SH2D4A: variants seen among roughly 807,000 people sequenced by gnomAD.
The protein encoded by SH2D4A is SH2 domain-containing protein 4A.
Under a neutral mutation model 64.7 loss-of-function variants are expected in SH2D4A, and 70 were observed. The ratio of observed to expected loss-of-function variants is 1.08; its 90% CI spans 0.89 to 1.32. The LOEUF is 1.32. Among genes scored for constraint, SH2D4A ranks in the 40% most tolerant of loss-of-function variants. SH2D4A has a pLI of 0.00. For synonymous variants in SH2D4A, 268 were observed against 200.7 expected (o/e 1.34, Z -2.83); for missense variants, 706 against 540.1 (o/e 1.31, Z -3.04).
chr8:19,374,516 T>C (rs2053161512), intron 8 of SH2D4A, among the ~76,000 whole-genome samples: 1 of 152,232 alleles, frequency 6.6e-6, no homozygotes, highest in Non-Finnish European at 1.5e-5. Context: ...CTCAAAGTAG[T>C]ATCATCTCAC....
At chr8:19,350,416 G>A (rs774501039) in intron 4 of SH2D4A, among the ~76,000 whole-genome samples, 23 of 152,298 alleles carry the variant, frequency 1.5e-4, no homozygotes, top group Middle Eastern at 3.4e-3. Context: ...CTGACGTTCT[G>A]TGCTCTAACG....
At chr8:19,377,686 T>C (rs148210216) in intron 8 of SH2D4A, among the ~76,000 whole-genome samples, 239 of 151,934 alleles carry the variant, frequency 1.6e-3, no homozygotes, top group South Asian at 9.1e-3. Context: ...TATATATATA[T>C]ACACACACAT....
intron 4 of SH2D4A, among the ~76,000 whole-genome samples, chr8:19,339,970 A>G (rs1008444398): frequency 6.6e-6 from 1 of 152,148 alleles, no homozygotes; most frequent in Non-Finnish European, 1.5e-5. Context: ...GGGGAGGGAG[A>G]GAGAGACATC....
At chr8:19,317,303 ATTT>A (rs761621347) in intron 1 of SH2D4A, among the ~76,000 whole-genome samples, 12 of 97,368 alleles carry the variant, frequency 1.2e-4, no homozygotes, top group African/African-American at 3.2e-4. Flanking sequence ...CAAGACATCC[ATTT>A]TTTTTTTTTT....
intron 8 of SH2D4A, among the ~76,000 whole-genome samples, chr8:19,385,323 C>T (rs2053368138): frequency 6.6e-6 from 1 of 151,948 alleles, no homozygotes; most frequent in African/African-American, 2.4e-5. Context: ...GATTCTCCTG[C>T]CTCTGCCTCC....
At chr8:19,361,895 C>T (rs1313013684) in intron 6 of SH2D4A, among the ~76,000 whole-genome samples, 1 of 152,120 alleles carries the variant, frequency 6.6e-6, no homozygotes, top group Non-Finnish European at 1.5e-5. Flanking sequence ...GTGTTAGCAT[C>T]CCGCTCCTGC....
intron 8 of SH2D4A, among the ~76,000 whole-genome samples, chr8:19,388,065 G>A (rs1393107136): frequency 6.6e-6 from 1 of 152,156 alleles, no homozygotes; most frequent in Non-Finnish European, 1.5e-5. Flanking sequence ...AATCAAAAAT[G>A]CATCTTCTTT....
At chr8:19,338,946 C>T (rs533898180) in intron 4 of SH2D4A, among the ~76,000 whole-genome samples, 11 of 152,260 alleles carry the variant, frequency 7.2e-5, no homozygotes, top group African/African-American at 2.4e-4. Context: ...TTGACTCACA[C>T]GATCACAAGG....
intron 5 of SH2D4A, among the ~76,000 whole-genome samples, chr8:19,359,261 A>G (rs1255464777): frequency 6.6e-6 from 1 of 152,198 alleles, no homozygotes; most frequent in African/African-American, 2.4e-5. Context: ...GCATGTACAT[A>G]ATTACATGCA....
chr8:19,371,816 T>C (rs753248240), intron 7 of SH2D4A, among the ~76,000 whole-genome samples: 1 of 152,224 alleles, frequency 6.6e-6, no homozygotes, highest in African/African-American at 2.4e-5. Context: ...ATAAGTGTAC[T>C]GTTGAAACCC....
chr8:19,378,786 C>T (rs11777127), intron 8 of SH2D4A, among the ~76,000 whole-genome samples: 1,857 of 151,798 alleles, frequency 0.012, 17 homozygotes, highest in Non-Finnish European at 0.018. Flanking sequence ...TGGCTCCCAT[C>T]TATAATCCCA....
intron 7 of SH2D4A, 86 bp downstream of exon 7, chr8:19,364,368 T>A (rs2052951876): frequency 2.0e-6 from 3 of 1,465,492 alleles, no homozygotes; most frequent in Non-Finnish European, 2.8e-6. Flanking sequence ...TTGTATGAGC[T>A]GCCATGGGGT....
chr8:19,342,521 C>T (rs1412146735), intron 4 of SH2D4A, among the ~76,000 whole-genome samples: 2 of 152,160 alleles, frequency 1.3e-5, no homozygotes, highest in Non-Finnish European at 2.9e-5. Context: ...TTATAGATAG[C>T]CCTCTACACA....
intron 8 of SH2D4A, among the ~76,000 whole-genome samples, chr8:19,385,451 T>G (rs1239665668): frequency 1.3e-5 from 2 of 152,218 alleles, no homozygotes; most frequent in Non-Finnish European, 2.9e-5. Flanking sequence ...TCCACCCACC[T>G]TGGCCTCCCA....
At chr8:19,392,646 T>A (rs1465371789) in intron 8 of SH2D4A, among the ~76,000 whole-genome samples, 1 of 152,168 alleles carries the variant, frequency 6.6e-6, no homozygotes, top group Non-Finnish European at 1.5e-5. Context: ...ATTCCCAGGA[T>A]GACCATCAAG....
intron 4 of SH2D4A, among the ~76,000 whole-genome samples, chr8:19,346,639 G>T (rs1161695520): frequency 2.6e-5 from 4 of 152,170 alleles, no homozygotes; most frequent in African/African-American, 9.7e-5. Flanking sequence ...CACAAAATCA[G>T]TCGCCGATGC....
chr8:19,365,281 C>T (rs952824697), intron 7 of SH2D4A, among the ~76,000 whole-genome samples: 9 of 152,028 alleles, frequency 5.9e-5, no homozygotes, highest in African/African-American at 1.7e-4. Flanking sequence ...AGTTCCGTTT[C>T]GGGAAGTGGG....
chr8:19,384,741 A>G (rs1170508080), intron 8 of SH2D4A, among the ~76,000 whole-genome samples: 1 of 152,188 alleles, frequency 6.6e-6, no homozygotes, highest in Non-Finnish European at 1.5e-5. Flanking sequence ...GTTCCCCAAG[A>G]CAGGGCCAAA....
chr8:19,318,184 G>C (rs531708984), intron 1 of SH2D4A, among the ~76,000 whole-genome samples: 2 of 152,288 alleles, frequency 1.3e-5, no homozygotes, highest in East Asian at 1.9e-4. Context: ...GATTACAGGC[G>C]TGAGCCACCC....
Sources: allele counts gnomAD v4.1 joint callset (sites outside exome capture counted in the v4.1 genomes callset), GRCh38; gene constraint gnomAD v4.1.1; transcripts MANE v1.5; gene names NCBI Gene and HGNC (gene_info 2026-07-23, HGNC 2026-07-21).